The following RNF125 variants were observed in gnomAD, a reference collection of about 807,000 sequenced individuals.
The protein encoded by RNF125 is ring finger protein 125, also known as E3 ubiquitin-protein ligase RNF125.
In RNF125, 21 loss-of-function variants were observed where a neutral mutation model predicts 26.0. The observed-to-expected ratio is 0.81, with a 90% CI of 0.57 to 1.16. The LOEUF is 1.16. RNF125 is among the 50% of genes most tolerant of loss of function. The probability of loss-of-function intolerance (pLI) is 0.00; values close to 1 mark genes in which losing one functional copy is unlikely to be tolerated. For missense variants in RNF125, 270 were observed against 299.4 expected (o/e 0.90, Z 0.72); for synonymous variants, 95 against 109.2 (o/e 0.87, Z 0.81).
chr18:32,065,848 C>A, intron 4 of RNF125, 54 bp from the exon 5 acceptor site: 1 of 1,263,388 alleles, frequency 7.9e-7, no homozygotes, highest in Non-Finnish European at 1.2e-6. Context: ...TTAATTCTAA[C>A]ACTAATAACG....
intron 2 of RNF125, among the ~76,000 whole-genome samples, chr18:32,038,056 T>TC (rs1297681107): frequency 6.8e-6 from 1 of 148,104 alleles, no homozygotes; most frequent in Non-Finnish European, 1.5e-5. Context: ...TTTTTTTTTT[T>TC]TTTTTTTTTT....
chr18:32,076,622 G>C (rs761860595), downstream of RNF125, among the ~76,000 whole-genome samples: 1 of 152,120 alleles, frequency 6.6e-6, no homozygotes, highest in South Asian at 2.1e-4. Context: ...CCATTATTAT[G>C]AGAATAAATT....
At chr18:32,050,115 T>C (rs146267184) in intron 4 of RNF125, among the ~76,000 whole-genome samples, 2 of 152,312 alleles carry the variant, frequency 1.3e-5, no homozygotes, top group South Asian at 2.1e-4. Flanking sequence ...ATTTAGAGAT[T>C]TCCTGGGTAA....
At chr18:32,080,178 G>A in the RNF125 span, among the ~76,000 whole-genome samples, 1 of 152,190 alleles carries the variant, frequency 6.6e-6, no homozygotes, top group African/African-American at 2.4e-5. Flanking sequence ...ACAGGCACGC[G>A]CCACCACGCC....
intron 4 of RNF125, among the ~76,000 whole-genome samples, chr18:32,058,178 G>A (rs1046205250): frequency 1.3e-4 from 20 of 150,346 alleles, no homozygotes; most frequent in Non-Finnish European, 2.5e-4. Context: ...TGAGAAGTAT[G>A]ACCATATATG....
At chr18:32,044,157 C>A (rs907160180) in intron 3 of RNF125, among the ~76,000 whole-genome samples, 15 of 152,092 alleles carry the variant, frequency 9.9e-5, no homozygotes, top group African/African-American at 3.6e-4. Context: ...CAGGCGTGTG[C>A]CACCATGCCT....
At chr18:32,053,874 A>C (rs1244880812) in intron 4 of RNF125, among the ~76,000 whole-genome samples, 2 of 151,228 alleles carry the variant, frequency 1.3e-5, no homozygotes, top group African/African-American at 4.9e-5. Flanking sequence ...CTTATTGAAA[A>C]CCCTGGTAAG....
intron 4 of RNF125, among the ~76,000 whole-genome samples, chr18:32,048,363 T>C (rs1598818786): frequency 6.7e-6 from 1 of 149,310 alleles, no homozygotes; most frequent in African/African-American, 2.5e-5. Context: ...GAGACGGAGG[T>C]TGCAGTGAGC....
At position 32,068,530 on chromosome 18, in the gene RNF125, T is replaced by C. The variant is rs1598829275; in HGVS notation, c.*146T>C. The C allele has an allele frequency of 5.8e-6, 3 of 520,276 alleles. No homozygotes were observed. Among genetic ancestry groups the C allele is most frequent in the Non-Finnish European group, 6.9e-6 (2 of 289,030 alleles). The allele number at this position is 520,276 out of a possible 1,614,324, so 32.2% of individuals were successfully genotyped here. The stretch of plus-strand genomic sequence containing the variant: ...TGTCCATGTTTATTGTTATAGTGCA[T>C]TTAAAAACTGCTTTAATTTTAATGG... On this transcript the variant is annotated 3_prime_UTR_variant, in exon 6 of 6. Coordinates refer to ENST00000217740, the MANE Select transcript of RNF125 (RefSeq NM_017831.4).
chr18:32,085,723 A>AAGAG, the RNF125 span, among the ~76,000 whole-genome samples: 95 of 146,280 alleles, frequency 6.5e-4, 1 homozygote, highest in African/African-American at 2.3e-3. Flanking sequence ...AAAAAAAAAA[A>AAGAG]AGAGAGAGAG....
chr18:32,065,991 GT>G lies in RNF125; in HGVS notation c.598del (p.Tyr200MetfsTer5). ...GACATCTGCAAGTTAGTCACACTTT[GT>G]TTTATGATGATTTCATAGTAAGTAT... ...IRHLQVSHTL[F>X]YDDFIDFNII... On this transcript the variant is annotated frameshift_variant, in exon 5 of 6. Coordinates refer to ENST00000217740, the MANE Select transcript of RNF125 (RefSeq NM_017831.4). LOFTEE classifies it high-confidence loss of function. The G allele has an allele frequency of 6.3e-7, 1 of 1,598,214 alleles. No homozygotes were observed. Among genetic ancestry groups the G allele is most frequent in the Non-Finnish European group, 8.6e-7 (1 of 1,165,776 alleles).
At chr18:32,055,283 AAGG>A (rs2039369355) in intron 4 of RNF125, among the ~76,000 whole-genome samples, 1 of 142,526 alleles carries the variant, frequency 7.0e-6, no homozygotes, top group Non-Finnish European at 1.5e-5. Context: ...TGGGCAACAA[AAGG>A]AGACCATGTC....
intron 3 of RNF125, among the ~76,000 whole-genome samples, chr18:32,044,908 C>T (rs1012513855): frequency 6.6e-6 from 1 of 151,770 alleles, no homozygotes; most frequent in Non-Finnish European, 1.5e-5. Context: ...ATTGCTTGAG[C>T]TCAGGAGTTT....
chr18:32,086,771 G>A, the RNF125 span, among the ~76,000 whole-genome samples: 3 of 151,928 alleles, frequency 2.0e-5, no homozygotes, highest in Non-Finnish European at 4.4e-5. Flanking sequence ...TGCCTGCCTC[G>A]GCCTCCCAAA....
At chr18:32,031,306 G>A (rs1313951587) in intron 1 of RNF125, 33 of 151,640 alleles carry the variant, frequency 2.2e-4, no homozygotes, top group South Asian at 4.1e-4. Flanking sequence ...AACTTGGCAC[G>A]TTGCTACACT....
chr18:32,036,654 G>A (rs1316531554), intron 1 of RNF125, among the ~76,000 whole-genome samples: 8 of 132,296 alleles, frequency 6.0e-5, no homozygotes, highest in African/African-American at 2.2e-4. Context: ...AGAGGGGAGG[G>A]GAGGGAGGAA....
intron 1 of RNF125, among the ~76,000 whole-genome samples, chr18:32,025,763 A>G (rs769799685): frequency 5.3e-5 from 8 of 151,374 alleles, no homozygotes; most frequent in Non-Finnish European, 8.8e-5. Flanking sequence ...TGTGTTCCTC[A>G]AGGGGTCTCA....
At chr18:32,076,188 G>A, downstream of RNF125, 1 of 518,502 alleles carries the variant, frequency 1.9e-6, no homozygotes, top group Non-Finnish European at 3.6e-6. Flanking sequence ...TTGGAGCATG[G>A]CCCAATAAGA....
intron 5 of RNF125, among the ~76,000 whole-genome samples, chr18:32,067,791 A>G (rs1361712117): frequency 6.6e-6 from 1 of 152,194 alleles, no homozygotes; most frequent in East Asian, 1.9e-4. Context: ...TGCAGAGGAT[A>G]GGGTTCTTAA....
Sources: gnomAD v4.1 joint callset for allele counts (sites outside exome capture counted in the v4.1 genomes callset) on GRCh38, gnomAD v4.1.1 for gene constraint, MANE v1.5 for transcripts, NCBI Gene and HGNC (gene_info 2026-07-23, HGNC 2026-07-21) for gene names.